Variants in PLXNC1 observed in about 807,000 individuals in gnomAD.
PLXNC1 encodes the protein plexin C1, also known as plexin-C1.
PLXNC1 carries 75 observed loss-of-function variants against 178.2 expected under a neutral mutation model. That is an observed-to-expected ratio of 0.42 (90% CI 0.35 to 0.51). The LOEUF (loss-of-function observed/expected upper bound fraction) is 0.51, where lower values mean the gene tolerates loss of function less well. PLXNC1 is among the 20% of genes least tolerant of loss of function. The pLI, the probability that PLXNC1 is intolerant of heterozygous loss-of-function variation, is 0.02. For synonymous variants in PLXNC1, 790 were observed against 779.9 expected (o/e 1.01, Z -0.22); for missense variants, 1,503 against 1,984.4 (o/e 0.76, Z 4.61).
chr12:94,296,925 G>C (rs1041792588), intron 24 of PLXNC1, among the ~76,000 whole-genome samples: 3 of 152,142 alleles, frequency 2.0e-5, no homozygotes, highest in Non-Finnish European at 1.5e-5. Flanking sequence ...AATGAATGAG[G>C]CTTGAGCCTC....
chr12:94,247,813 A>C, intron 12 of PLXNC1, 90 bp from the exon 13 acceptor site: 1 of 1,131,260 alleles, frequency 8.8e-7, no homozygotes, highest in African/African-American at 1.5e-5. Context: ...AAGCACCAAG[A>C]AGTTAAGTTG....
intron 6 of PLXNC1, 48 bp from the exon 7 acceptor site, chr12:94,224,180 C>G: frequency 9.3e-7 from 1 of 1,070,422 alleles, no homozygotes; most frequent in East Asian, 2.4e-5. Flanking sequence ...CTATGCTTGA[C>G]TATAGCAGGA....
chr12:94,169,748 A>G (rs899787127), intron 2 of PLXNC1, among the ~76,000 whole-genome samples: 36 of 152,186 alleles, frequency 2.4e-4, no homozygotes, highest in African/African-American at 8.4e-4. Flanking sequence ...CAGCCCACTT[A>G]CCACCCACAG....
chr12:94,264,733 ACT>A (rs1304098926), intron 20 of PLXNC1, among the ~76,000 whole-genome samples: 1 of 152,192 alleles, frequency 6.6e-6, no homozygotes, highest in Non-Finnish European at 1.5e-5. Flanking sequence ...ACAAAGGTAC[ACT>A]CTCCACATCT....
At chr12:94,247,549 T>G (rs1262983116) in intron 12 of PLXNC1, among the ~76,000 whole-genome samples, 1 of 152,170 alleles carries the variant, frequency 6.6e-6, no homozygotes, top group Non-Finnish European at 1.5e-5. Context: ...GGTCAGAATC[T>G]TCCCCTTTCC....
chr12:94,201,437 T>TAGA (rs1157417393), intron 4 of PLXNC1, among the ~76,000 whole-genome samples: 2 of 152,134 alleles, frequency 1.3e-5, no homozygotes, highest in Non-Finnish European at 2.9e-5. Context: ...TCCCATATAA[T>TAGA]ATAATAATAA....
chr12:94,251,730 C>T (rs1964695339), intron 15 of PLXNC1, among the ~76,000 whole-genome samples: 1 of 152,212 alleles, frequency 6.6e-6, no homozygotes, highest in Admixed American at 6.5e-5. Flanking sequence ...GTGGCTGATG[C>T]CTATAATCCC....
chr12:94,271,822 G>A (rs372461643), intron 21 of PLXNC1, among the ~76,000 whole-genome samples: 1 of 152,206 alleles, frequency 6.6e-6, no homozygotes, highest in Non-Finnish European at 1.5e-5. Flanking sequence ...TGTCCCGTCA[G>A]TATTCTTTTT....
At chr12:94,157,400 C>A (rs932594538) in intron 1 of PLXNC1, among the ~76,000 whole-genome samples, 1 of 152,168 alleles carries the variant, frequency 6.6e-6, no homozygotes, top group Non-Finnish European at 1.5e-5. Context: ...ACTGGGAAAC[C>A]CCAAAGTCGA....
At chr12:94,159,337 C>G (rs1387275003) in intron 1 of PLXNC1, among the ~76,000 whole-genome samples, 1 of 152,194 alleles carries the variant, frequency 6.6e-6, no homozygotes, top group Non-Finnish European at 1.5e-5. Context: ...GAAACGGAGG[C>G]ACTTCACTAA....
intron 4 of PLXNC1, among the ~76,000 whole-genome samples, chr12:94,187,192 G>GA (rs3037610): frequency 1.7e-4 from 26 of 148,662 alleles, no homozygotes; most frequent in South Asian, 6.3e-4. Flanking sequence ...GAGAGAGAGA[G>GA]AAAAAAAAAC....
Position 94,253,441 on chromosome 12 carries a change from G to A in PLXNC1, c.2882-1346G>A, listed in dbSNP as rs186581704. ...GAGCTAGAAAAAAATGAGCCTTTGC[G>A]TGCATGAGCCAGTGTTGCTCAAACT... On this transcript the variant is annotated intron_variant, in intron 15 of 30. Coordinates refer to ENST00000258526, the MANE Select transcript of PLXNC1 (RefSeq NM_005761.3). Among the ~76,000 whole-genome samples, 144 of 152,196 alleles carry A rather than the reference G, an allele frequency of 9.5e-4. 1 individual carries two copies. The highest frequency in any genetic ancestry group is 3.4e-3 in the Middle Eastern group (1 of 294).
chr12:94,292,307 T>G (rs1186580036), intron 23 of PLXNC1, among the ~76,000 whole-genome samples: 3 of 152,142 alleles, frequency 2.0e-5, no homozygotes. Context: ...GGTCATTGTC[T>G]CGGAAGGGAC....
At chr12:94,150,642 C>T (rs868493657) in intron 1 of PLXNC1, among the ~76,000 whole-genome samples, 14 of 152,340 alleles carry the variant, frequency 9.2e-5, no homozygotes, top group African/African-American at 3.4e-4. Flanking sequence ...TGGAACCGAA[C>T]CCCTGGCGTG....
At chr12:94,258,124 C>T (rs1290391040) in intron 17 of PLXNC1, among the ~76,000 whole-genome samples, 1 of 152,162 alleles carries the variant, frequency 6.6e-6, no homozygotes, top group African/African-American at 2.4e-5. Context: ...AAGACTCCGT[C>T]TCAAAAAAAC....
chr12:94,211,279 C>G (rs1427037915), intron 5 of PLXNC1, among the ~76,000 whole-genome samples: 1 of 152,208 alleles, frequency 6.6e-6, no homozygotes, highest in African/African-American at 2.4e-5. Context: ...CTCACTCTCT[C>G]CAGCTCACCA....
chr12:94,245,649 A>G (rs1964509845), intron 12 of PLXNC1, among the ~76,000 whole-genome samples: 1 of 152,170 alleles, frequency 6.6e-6, no homozygotes, highest in South Asian at 2.1e-4. Context: ...GAAATTAAAC[A>G]TGCATGGGAT....
chr12:94,289,808 A>C (rs953934068), intron 23 of PLXNC1, among the ~76,000 whole-genome samples: 5 of 152,246 alleles, frequency 3.3e-5, no homozygotes, highest in Admixed American at 2.6e-4. Flanking sequence ...TTCCAGCTCT[A>C]GAGCAGCTGT....
chr12:94,209,754 C>T (rs754961629), intron 5 of PLXNC1, 50 bp downstream of exon 5: 5 of 1,095,696 alleles, frequency 4.6e-6, no homozygotes, highest in Admixed American at 3.5e-5. Flanking sequence ...TCATTTTGCA[C>T]AGCGGATGCT....
Sources: gnomAD v4.1 joint callset for allele counts (sites outside exome capture counted in the v4.1 genomes callset) on GRCh38, gnomAD v4.1.1 for gene constraint, MANE v1.5 for transcripts, NCBI Gene and HGNC (gene_info 2026-07-23, HGNC 2026-07-21) for gene names.